Variants in TENM2 observed in about 807,000 individuals in gnomAD.
The protein encoded by TENM2 is teneurin transmembrane protein 2.
A neutral mutation model predicts 245.2 loss-of-function variants in TENM2; 52 were observed. The observed-to-expected ratio is 0.21, with a 90% CI of 0.17 to 0.27. The LOEUF (loss-of-function observed/expected upper bound fraction) is 0.27. Among genes scored for constraint, TENM2 ranks in the 10% least tolerant of loss-of-function variants. The pLI, the probability that TENM2 is intolerant of heterozygous loss-of-function variation, is 1.00. For synonymous variants in TENM2, 1,363 were observed against 1,438.9 expected, an observed-to-expected ratio of 0.95 and a Z score of 1.19; for missense variants, 3,046 against 3,666.8, an observed-to-expected ratio of 0.83 and a Z score of 4.37.
intron 10 of TENM2, among the ~76,000 whole-genome samples, chr5:168,121,715 G>A (rs1795480015): frequency 6.8e-6 from 1 of 147,116 alleles, no homozygotes; most frequent in Non-Finnish European, 1.5e-5. Context: ...GAAAAAGATT[G>A]TGATTTTTTT....
At chr5:167,331,252 A>AG (rs1345637397) in intron 1 of TENM2, among the ~76,000 whole-genome samples, 2 of 151,370 alleles carry the variant, frequency 1.3e-5, no homozygotes, top group South Asian at 2.1e-4. Flanking sequence ...AAAAAAAAAA[A>AG]AGACAAGAAA....
At chr5:167,475,352 T>C (rs972123940) in intron 2 of TENM2, among the ~76,000 whole-genome samples, 1 of 152,136 alleles carries the variant, frequency 6.6e-6, no homozygotes, top group African/African-American at 2.4e-5. Context: ...CTGCCAATAT[T>C]TACTGATTAA....
the TENM2 span, among the ~76,000 whole-genome samples, chr5:167,033,326 T>C: frequency 2.0e-5 from 3 of 152,370 alleles, no homozygotes; most frequent in Non-Finnish European, 4.4e-5. Context: ...ATTGCTGATG[T>C]ACAGATATTC....
At chr5:167,355,056 T>C (rs1312235641) in intron 1 of TENM2, among the ~76,000 whole-genome samples, 1 of 152,158 alleles carries the variant, frequency 6.6e-6, no homozygotes, top group African/African-American at 2.4e-5. Context: ...CATATTTCTG[T>C]TTATCTTACT....
chr5:168,118,560 CCA>C (rs1394008599), intron 10 of TENM2, 74 bp downstream of exon 12: 1 of 1,240,030 alleles, frequency 8.1e-7, no homozygotes, highest in East Asian at 2.4e-5. Context: ...GCTAATGAGC[CCA>C]GTCCTGGGCT....
At chr5:168,193,727 C>A (rs147074056) in intron 14 of TENM2, among the ~76,000 whole-genome samples, 100 of 152,314 alleles carry the variant, frequency 6.6e-4, no homozygotes, top group African/African-American at 2.3e-3. Context: ...CACTGTGTAC[C>A]TTGTGGTCGT....
chr5:168,056,750 G>A (rs926096910), intron 6 of TENM2, among the ~76,000 whole-genome samples: 1 of 152,084 alleles, frequency 6.6e-6, no homozygotes, highest in East Asian at 1.9e-4. Context: ...CATGGTACGT[G>A]TCCTATACAG....
intron 2 of TENM2, among the ~76,000 whole-genome samples, chr5:167,851,601 A>G (rs775796414): frequency 2.0e-5 from 3 of 152,106 alleles, no homozygotes; most frequent in Admixed American, 6.6e-5. Context: ...TTTTGACTAT[A>G]AAGAATAAAA....
chr5:168,209,817 A>G (rs1028571467), intron 19 of TENM2, among the ~76,000 whole-genome samples: 1 of 152,152 alleles, frequency 6.6e-6, no homozygotes, highest in African/African-American at 2.4e-5. Flanking sequence ...AGTATCTGCA[A>G]TTCAGAGATG....
the TENM2 span, among the ~76,000 whole-genome samples, chr5:167,246,422 A>T: frequency 6.6e-6 from 1 of 152,068 alleles, no homozygotes; most frequent in South Asian, 2.1e-4. Context: ...AATTACATAG[A>T]TATATGTCTG....
At chr5:167,548,465 A>G (rs1391086043) in intron 2 of TENM2, among the ~76,000 whole-genome samples, 1 of 151,738 alleles carries the variant, frequency 6.6e-6, no homozygotes, top group Non-Finnish European at 1.5e-5. Context: ...AATTTTCCTC[A>G]TTTTCCACAG....
At chr5:166,986,629 A>G in the TENM2 span, among the ~76,000 whole-genome samples, 68 of 152,314 alleles carry the variant, frequency 4.5e-4, 4 homozygotes, top group South Asian at 0.014. Context: ...TCAGGGGGAA[A>G]ACAAACTACT....
intron 2 of TENM2, among the ~76,000 whole-genome samples, chr5:167,867,371 A>G (rs1331966219): frequency 6.6e-6 from 1 of 152,220 alleles, no homozygotes; most frequent in African/African-American, 2.4e-5. Flanking sequence ...GGTGAGATAT[A>G]GAAACGACAC....
At chr5:167,542,495 C>T (rs1159798470) in intron 2 of TENM2, among the ~76,000 whole-genome samples, 2 of 36,970 alleles carry the variant, frequency 5.4e-5, no homozygotes, top group African/African-American at 1.2e-4. Flanking sequence ...CTTCTGAATC[C>T]ATGAAGGGTC....
At chr5:167,015,284 G>A in the TENM2 span, among the ~76,000 whole-genome samples, 33 of 152,124 alleles carry the variant, frequency 2.2e-4, no homozygotes, top group Admixed American at 6.5e-4. Context: ...TGGAAGTATA[G>A]GGAACATAGT....
chr5:167,299,256 A>G lies in TENM2; in HGVS notation c.226+14193A>G, dbSNP rs899461776. Among the ~76,000 whole-genome samples, 19 of 152,178 alleles carry G rather than the reference A, an allele frequency of 1.2e-4. 1 individual carries two copies. Among genetic ancestry groups the G allele is most frequent in the Admixed American group, 1.0e-3 (16 of 15,266 alleles). ...TTGACTAATAAAGGCTGGTCTGTTA[A>G]CAGACTGTATAGAGGTGGGAAGGCT... On this transcript the variant is annotated intron_variant, in intron 1 of 28. Transcript: ENST00000518659.
the TENM2 span, among the ~76,000 whole-genome samples, chr5:167,218,348 G>T: frequency 1.1e-4 from 16 of 152,014 alleles, no homozygotes; most frequent in Non-Finnish European, 1.9e-4. Context: ...CTTTATGAGA[G>T]CGGGAATTTT....
chr5:167,104,834 G>A, the TENM2 span, among the ~76,000 whole-genome samples: 1 of 152,132 alleles, frequency 6.6e-6, no homozygotes, highest in Non-Finnish European at 1.5e-5. Context: ...TATGGAATCT[G>A]AAAAATATGT....
chr5:167,037,198 T>G, the TENM2 span, among the ~76,000 whole-genome samples: 2 of 152,232 alleles, frequency 1.3e-5, no homozygotes, highest in Non-Finnish European at 2.9e-5. Flanking sequence ...GACAAGGACA[T>G]TTCACATTGT....
Sources: allele counts gnomAD v4.1 joint callset (sites outside exome capture counted in the v4.1 genomes callset), GRCh38; gene constraint gnomAD v4.1.1; transcripts MANE v1.5; gene names NCBI Gene and HGNC (gene_info 2026-07-23, HGNC 2026-07-21).